The following TBC1D22A variants were observed in gnomAD, a reference collection of about 807,000 sequenced individuals.
TBC1D22A encodes the protein putative GTPase activator.
A neutral mutation model predicts 60.2 loss-of-function variants in TBC1D22A; 38 were observed. The observed-to-expected ratio is 0.63, with a 90% CI of 0.49 to 0.83. The LOEUF (loss-of-function observed/expected upper bound fraction) is 0.83. TBC1D22A is among the 40% of genes least tolerant of loss of function. The pLI is 0.00. For missense variants in TBC1D22A, 628 were observed against 701.0 expected, an observed-to-expected ratio of 0.90 and a Z score of 1.18; for synonymous variants, 302 against 281.7, an observed-to-expected ratio of 1.07 and a Z score of -0.72.
intron 11 of TBC1D22A, among the ~76,000 whole-genome samples, chr22:47,056,053 G>T (rs576208751): frequency 1.3e-5 from 2 of 152,254 alleles, no homozygotes; most frequent in South Asian, 4.1e-4. Context: ...TTACTTGCTT[G>T]AGTTAGGTGT....
chr22:47,038,505 C>T (rs2062731048), intron 11 of TBC1D22A, among the ~76,000 whole-genome samples: 1 of 152,208 alleles, frequency 6.6e-6, no homozygotes, highest in Non-Finnish European at 1.5e-5. Context: ...GCTGCTCCCA[C>T]AGGGCCTCAG....
chr22:46,872,063 A>C (rs370842170), intron 4 of TBC1D22A, among the ~76,000 whole-genome samples: 330 of 152,322 alleles, frequency 2.2e-3, no homozygotes, highest in African/African-American at 7.5e-3. Context: ...TGAAATGGGG[A>C]TATTTCTAGA....
At chr22:46,997,544 C>T in intron 9 of TBC1D22A, 90 bp from the exon 10 acceptor site, 1 of 968,224 alleles carries the variant, frequency 1.0e-6, no homozygotes, top group South Asian at 1.4e-5. Context: ...TATTATAAAG[C>T]TGTTCACTTT....
At chr22:46,959,868 G>A (rs8136549) in intron 8 of TBC1D22A, among the ~76,000 whole-genome samples, 12,186 of 152,134 alleles carry the variant, frequency 0.08, 974 homozygotes, top group African/African-American at 0.21. Context: ...ACATTTACTT[G>A]GCTTCTTGGC....
intron 7 of TBC1D22A, among the ~76,000 whole-genome samples, chr22:46,907,979 G>A (rs2069612264): frequency 6.6e-6 from 1 of 152,234 alleles, no homozygotes; most frequent in Non-Finnish European, 1.5e-5. Context: ...TGGGCCTGGT[G>A]AGAGAGCACC....
chr22:46,937,512 T>C (rs1017690174), intron 8 of TBC1D22A, among the ~76,000 whole-genome samples: 1 of 152,232 alleles, frequency 6.6e-6, no homozygotes, highest in Non-Finnish European at 1.5e-5. Context: ...TTGATCATGA[T>C]AGTAAATGAC....
chr22:46,769,157 G>A (rs1425375729), intron 1 of TBC1D22A, among the ~76,000 whole-genome samples: 1 of 151,882 alleles, frequency 6.6e-6, no homozygotes, highest in Non-Finnish European at 1.5e-5. Context: ...ATTGAGCATG[G>A]CAAGGATGTG....
In TBC1D22A at chr22:47,075,625, G is replaced by GAT. The variant is rs1369792670; in HGVS notation, c.1330-35883_1330-35882insAT. 1.5e-4 allele frequency among the ~76,000 whole-genome samples: 23 copies of GAT among 152,140 alleles called. No homozygotes were observed. The East Asian group carries it at 4.4e-3, about 29-fold the overall frequency. ...AAAACCTTGATCAATACAATAGAAG[G>GAT]CATAAAAGGAGAAGAAATATTTTTA... On this transcript the variant is annotated intron_variant, in intron 11 of 12. Transcript: ENST00000337137.
intron 7 of TBC1D22A, among the ~76,000 whole-genome samples, chr22:46,902,885 C>CT (rs2069106360): frequency 2.6e-5 from 4 of 152,194 alleles, no homozygotes; most frequent in African/African-American, 9.7e-5. Context: ...TGCGTGAAAC[C>CT]CAGAGAGATC....
chr22:47,012,639 A>G (rs1393529475), intron 10 of TBC1D22A, among the ~76,000 whole-genome samples: 1 of 152,136 alleles, frequency 6.6e-6, no homozygotes, highest in Non-Finnish European at 1.5e-5. Flanking sequence ...ATTTTAAGGT[A>G]TTCCTCCTGA....
intron 11 of TBC1D22A, among the ~76,000 whole-genome samples, chr22:47,082,090 G>A (rs2064490155): frequency 6.6e-6 from 1 of 152,194 alleles, no homozygotes; most frequent in Admixed American, 6.5e-5. Flanking sequence ...CCCAGGAGGT[G>A]GAGGTTGCAG....
chr22:47,170,958 C>T (rs541573654), intron 12 of TBC1D22A, among the ~76,000 whole-genome samples: 5 of 152,188 alleles, frequency 3.3e-5, no homozygotes, highest in Non-Finnish European at 2.9e-5. Flanking sequence ...AGCGCAGCTC[C>T]GGGATGGCCG....
rs141409735 is a variant in TBC1D22A, at chr22:47,081,854, C to G, written c.1330-29654C>G. ...ATGTTTTATGAGTACAAAGACTTAACACTGTTAAAATATTAATTGACGGCC... is the reference window on the plus strand; with the variant it reads ...ATGTTTTATGAGTACAAAGACTTAAGACTGTTAAAATATTAATTGACGGCC... On this transcript the variant is annotated intron_variant, in intron 11 of 12. Transcript: ENST00000337137. Among the ~76,000 whole-genome samples, 4 of 152,182 alleles carry G rather than the reference C, an allele frequency of 2.6e-5. No individual in the cohort carries two copies. The East Asian group carries it at 7.7e-4, about 29-fold the overall frequency.
At chr22:46,985,345 G>A (rs186402094) in intron 9 of TBC1D22A, among the ~76,000 whole-genome samples, 2 of 152,158 alleles carry the variant, frequency 1.3e-5, no homozygotes, top group Non-Finnish European at 2.9e-5. Context: ...CGGCTCAACT[G>A]TGCCCCTGTG....
intron 12 of TBC1D22A, among the ~76,000 whole-genome samples, chr22:47,172,020 GCAC>G (rs2068487794): frequency 1.4e-5 from 1 of 71,348 alleles, no homozygotes; most frequent in African/African-American, 7.0e-5. Flanking sequence ...TGCCTACCCA[GCAC>G]TCCCAGTGAG....
intron 1 of TBC1D22A, among the ~76,000 whole-genome samples, chr22:46,788,112 A>G (rs2084243362): frequency 6.6e-6 from 1 of 151,384 alleles, no homozygotes; most frequent in African/African-American, 2.4e-5. Context: ...AATTTTTTGT[A>G]TTTTTAGTAG....
chr22:47,051,928 A>G (rs1380442242), intron 11 of TBC1D22A, among the ~76,000 whole-genome samples: 3 of 152,240 alleles, frequency 2.0e-5, no homozygotes, highest in African/African-American at 7.2e-5. Context: ...GGAGGTGAAC[A>G]GAAGCAGAGT....
chr22:47,013,627 G>T (rs1258357886), intron 10 of TBC1D22A, among the ~76,000 whole-genome samples: 2 of 152,172 alleles, frequency 1.3e-5, no homozygotes, highest in African/African-American at 2.4e-5. Context: ...AGGTGGAAAC[G>T]CATTGCCTTT....
intron 10 of TBC1D22A, among the ~76,000 whole-genome samples, chr22:47,021,577 C>CTG (rs2062089456): frequency 2.0e-5 from 3 of 151,394 alleles, no homozygotes; most frequent in Non-Finnish European, 2.9e-5. Context: ...AGAACCTCAC[C>CTG]TCGAGCCTGG....
Sources: allele counts gnomAD v4.1 joint callset (sites outside exome capture counted in the v4.1 genomes callset), GRCh38; gene constraint gnomAD v4.1.1; transcripts MANE v1.5; gene names NCBI Gene and HGNC (gene_info 2026-07-23, HGNC 2026-07-21).